GATB: variants seen among roughly 807,000 people sequenced by gnomAD.
GATB encodes glutamyl-tRNA(Gln) amidotransferase subunit B, mitochondrial.
A neutral mutation model predicts 62.3 loss-of-function variants in GATB; 39 were observed. The ratio of observed to expected loss-of-function variants is 0.63; its 90% CI spans 0.48 to 0.82. GATB has a LOEUF of 0.82. Among genes scored for constraint, GATB ranks in the 40% least tolerant of loss-of-function variants. GATB has a pLI of 0.00. For synonymous variants in GATB, 276 were observed against 258.9 expected (o/e 1.07, Z -0.63); for missense variants, 670 against 684.0 (o/e 0.98, Z 0.23).
intron 10 of GATB, among the ~76,000 whole-genome samples, chr4:151,683,543 C>A (rs1356433782): frequency 6.6e-6 from 1 of 152,168 alleles, no homozygotes; most frequent in Admixed American, 6.5e-5. Flanking sequence ...CCGCTGCTGC[C>A]TCAGGTCCTG....
chr4:151,693,429 T>C (rs892837917), intron 9 of GATB, among the ~76,000 whole-genome samples: 4 of 152,144 alleles, frequency 2.6e-5, no homozygotes, highest in Non-Finnish European at 5.9e-5. Context: ...AAATTACTCA[T>C]TGAGAGAGGC....
At chr4:151,749,891 GT>G (rs1182263607) in intron 2 of GATB, among the ~76,000 whole-genome samples, 2 of 150,144 alleles carry the variant, frequency 1.3e-5, no homozygotes, top group South Asian at 2.1e-4. Context: ...TTTGTGTTTT[GT>G]TTTTTTTTGA....
intron 2 of GATB, among the ~76,000 whole-genome samples, chr4:151,738,151 G>A (rs1739417442): frequency 1.3e-5 from 2 of 152,194 alleles, no homozygotes; most frequent in Non-Finnish European, 2.9e-5. Flanking sequence ...GCCAGCCCGT[G>A]AAAGCAATCA....
At chr4:151,686,325 G>A (rs995951798) in intron 10 of GATB, among the ~76,000 whole-genome samples, 2 of 152,150 alleles carry the variant, frequency 1.3e-5, no homozygotes, top group Non-Finnish European at 2.9e-5. Context: ...TAACACCCGG[G>A]CCACACTAAC....
chr4:151,722,508 C>G (rs1187608650), intron 2 of GATB: 3 of 376,718 alleles, frequency 8.0e-6, no homozygotes, highest in African/African-American at 6.3e-5. Flanking sequence ...ACCACCATGT[C>G]CCCCCACAAC....
Position 151,730,014 on chromosome 4 carries a change from T to A in GATB, c.328-10476A>T, listed in dbSNP as rs1274258044. Among the ~76,000 whole-genome samples the A allele has an allele frequency of 6.6e-6, 1 of 152,124 alleles. No individual in the cohort carries two copies. The highest frequency in any genetic ancestry group is 6.5e-5 in the Admixed American group (1 of 15,284). ...TACAGGACCCGGGAGACACCCCAAATACTCTGGGAAGTGGAAAGCCTCAGG... is the reference window on the plus strand; with the variant it reads ...TACAGGACCCGGGAGACACCCCAAAAACTCTGGGAAGTGGAAAGCCTCAGG... On this transcript the variant is annotated intron_variant, in intron 2 of 12. Transcript: ENST00000263985. The surrounding 1 kb of genome is among the most constrained non-coding windows in gnomAD (Gnocchi z 4.1).
At chr4:151,718,208 T>C (rs1375566741) in intron 3 of GATB, among the ~76,000 whole-genome samples, 1 of 152,154 alleles carries the variant, frequency 6.6e-6, no homozygotes, top group African/African-American at 2.4e-5. Context: ...GGACCACACT[T>C]TGAGAATCCT....
chr4:151,708,038 C>A lies in GATB; in HGVS notation c.827G>T (p.Arg276Leu). ...GCTGTTGAGATTCTTCACTTCCGTT[C>A]GAACGCCCAAAGGCTCCCCAGGGTG... ...VHHPGEPLGV[R>L]TEVKNLNSIR... Residue 276 changes from arginine to leucine, a missense_variant, in exon 6 of 13, where the codon CGA becomes CTA. Physicochemically the swap from Arg to Leu is moderately radical, Grantham distance 102 (BLOSUM62 -2). Coordinates refer to ENST00000263985, the MANE Select transcript of GATB (RefSeq NM_004564.3). 6.2e-7 allele frequency: 1 copy of A among 1,614,126 alleles called. No individual in the cohort carries two copies. The highest frequency in any genetic ancestry group is 8.5e-7 in the Non-Finnish European group (1 of 1,179,980).
intron 11 of GATB, 53 bp from the exon 12 acceptor site, chr4:151,672,949 CAGCTCCATTTGCAGTGCTGTG>C: frequency 5.6e-6 from 9 of 1,601,284 alleles, no homozygotes; most frequent in Non-Finnish European, 7.7e-6. Context: ...GCTCTTCTGC[CAGCTCCATTTGCAGTGCTGTG>C]CTGTGTGGAG....
chr4:151,757,734 T>C (rs919472638), intron 2 of GATB, among the ~76,000 whole-genome samples: 100 of 152,098 alleles, frequency 6.6e-4, no homozygotes, highest in African/African-American at 1.9e-3. Context: ...ACCTTGGCCT[T>C]CCAAAGTGCT....
At chr4:151,700,271 G>A (rs1332160005) in intron 9 of GATB, among the ~76,000 whole-genome samples, 2 of 152,100 alleles carry the variant, frequency 1.3e-5, no homozygotes, top group Non-Finnish European at 2.9e-5. Context: ...TCAAGATGCT[G>A]AACAACATAC....
chr4:151,719,038 C>T (rs1024334865), intron 3 of GATB, among the ~76,000 whole-genome samples: 6 of 152,206 alleles, frequency 3.9e-5, no homozygotes, highest in Admixed American at 2.0e-4. Context: ...AAAAGCGATT[C>T]GCTCTCGCTC....
At chr4:151,728,466 A>G (rs1437864721) in intron 2 of GATB, among the ~76,000 whole-genome samples, 3 of 152,234 alleles carry the variant, frequency 2.0e-5, no homozygotes, top group African/African-American at 7.2e-5. Context: ...TCTTTAGTGA[A>G]GAAAGATTTC....
intron 2 of GATB, among the ~76,000 whole-genome samples, chr4:151,757,046 G>A (rs999125780): frequency 5.3e-5 from 8 of 152,124 alleles, no homozygotes; most frequent in African/African-American, 1.9e-4. Context: ...ATGACAACTT[G>A]CCTTCCATTT....
At chr4:151,698,132 G>A (rs1330565234) in intron 9 of GATB, among the ~76,000 whole-genome samples, 2 of 151,600 alleles carry the variant, frequency 1.3e-5, no homozygotes, top group African/African-American at 4.9e-5. Context: ...AAACAGGGAT[G>A]CTTTTATCAG....
chr4:151,745,254 A>T (rs1391034297), intron 2 of GATB, among the ~76,000 whole-genome samples: 1 of 152,192 alleles, frequency 6.6e-6, no homozygotes, highest in African/African-American at 2.4e-5. Context: ...ACTTTTCCCT[A>T]ATGATGCTAT....
intron 3 of GATB, 76 bp from the exon 4 acceptor site, chr4:151,717,150 C>T (rs781384529): frequency 1.0e-5 from 14 of 1,358,100 alleles, no homozygotes; most frequent in Non-Finnish European, 1.5e-5. Flanking sequence ...ATCCCTTTTA[C>T]AATGTCACAC....
chr4:151,686,657 C>CCCCCA, intron 10 of GATB, among the ~76,000 whole-genome samples: 1 of 93,882 alleles, frequency 1.1e-5, no homozygotes, highest in African/African-American at 4.5e-5. Context: ...GCCCCGCCCC[C>CCCCCA]CCCCCACCCC....
chr4:151,755,093 T>C (rs1377820283), intron 2 of GATB, among the ~76,000 whole-genome samples: 1 of 152,234 alleles, frequency 6.6e-6, no homozygotes, highest in Admixed American at 6.5e-5. Context: ...ACTTGTTAAT[T>C]ATCTGTTAAT....
Sources: gnomAD v4.1 joint callset for allele counts (sites outside exome capture counted in the v4.1 genomes callset) on GRCh38, gnomAD v4.1.1 for gene constraint, Gnocchi (gnomAD v3.1) non-coding constraint, MANE v1.5 for transcripts, NCBI Gene and HGNC (gene_info 2026-07-23, HGNC 2026-07-21) for gene names.